TECPR1: variants seen among roughly 807,000 people sequenced by gnomAD.
TECPR1 encodes the protein tectonin beta-propeller repeat containing 1.
In TECPR1, 122 loss-of-function variants were observed where a neutral mutation model predicts 162.4. That is an observed-to-expected ratio of 0.75 (90% confidence interval 0.65 to 0.87). The LOEUF (loss-of-function observed/expected upper bound fraction) is 0.87, where lower values mean the gene tolerates loss of function less well. Ranked by LOEUF, TECPR1 falls within the 40% of genes least tolerant of loss-of-function variation. The pLI, the probability that TECPR1 is intolerant of heterozygous loss-of-function variation, is 0.00. For synonymous variants in TECPR1, 642 were observed against 670.6 expected (o/e 0.96, Z 0.66); for missense variants, 1,432 against 1,618.2 (o/e 0.88, Z 1.97).
intron 19 of TECPR1, 89 bp downstream of exon 19, chr7:98,224,712 C>A: frequency 7.7e-7 from 1 of 1,304,806 alleles, no homozygotes. Context: ...AGGGTTCAGC[C>A]TGGAAGAGCA....
intron 19 of TECPR1, 102 bp downstream of exon 19, chr7:98,224,699 G>A: frequency 7.7e-6 from 9 of 1,174,426 alleles, no homozygotes; most frequent in Non-Finnish European, 1.1e-5. Flanking sequence ...AGGCCTAGGG[G>A]GCAGGGTTCA....
intron 10 of TECPR1, 47 bp downstream of exon 10, chr7:98,236,729 C>T (rs369188906): frequency 1.1e-4 from 178 of 1,568,026 alleles, no homozygotes; most frequent in African/African-American, 5.9e-4. Flanking sequence ...TAGGCTCAGA[C>T]GGCCCATCCC....
intron 2 of TECPR1, among the ~76,000 whole-genome samples, chr7:98,246,868 C>T (rs1798925722): frequency 6.6e-6 from 1 of 152,018 alleles, no homozygotes; most frequent in African/African-American, 2.4e-5. Context: ...GAGGCATGAG[C>T]CACCACGCCC....
rs779230282 is a variant in TECPR1 at position 98,233,598 on chromosome 7, G to A, written c.1495C>T (p.Pro499Ser). 107 of 1,589,032 alleles carry A rather than the reference G, an allele frequency of 6.7e-5. No individual in the cohort carries two copies. Among genetic ancestry groups the A allele is most frequent in the Non-Finnish European group, 8.2e-5 (96 of 1,169,854 alleles). Residue 499 changes from proline (P) to serine (S), a missense_variant, in exon 11 of 26, where the codon CCC becomes TCC. By Grantham distance (74) the Pro-to-Ser change is moderately conservative. Transcript: ENST00000447648. ...GGGAAGCCAGCGGCCGAGTGGCTGG[G>A]CACTTTCTTGGCCTCCTTGAGGTCA... ...NIDLKEAKKV[P>S]SHSAAGFPET...
At chr7:98,222,269 C>T in intron 22 of TECPR1, 117 bp downstream of exon 22, 1 of 1,398,676 alleles carries the variant, frequency 7.1e-7, no homozygotes, top group East Asian at 2.5e-5. Context: ...GAGGGGGACT[C>T]CCACTTCTGG....
At position 98,232,683 on chromosome 7, in the gene TECPR1, C is replaced by A. The variant is rs1284265266; in HGVS notation, c.1818+144G>T. 1.1e-5 allele frequency: 12 copies of A among 1,127,278 alleles called. No individual in the cohort carries two copies. Among genetic ancestry groups the A allele is most frequent in the Non-Finnish European group, 1.4e-5 (12 of 828,504 alleles). 69.8% of individuals were successfully genotyped at this position (1,127,278 alleles called of 1,614,324 possible). On this transcript the variant is annotated intron_variant, in intron 12 of 25. Coordinates refer to ENST00000447648, the MANE Select transcript of TECPR1 (RefSeq NM_015395.3). This position sits in a 1 kb window ranked among gnomAD's most constrained non-coding sequence, Gnocchi z 4.6. ...AGGATGGACGAAGAAACCCTGAGCT[C>A]ATTTCTCTATGCCTGCATCTGGGCG...
In TECPR1 at chr7:98,233,657, G is replaced by A. The variant is rs1357761162; in HGVS notation, c.1436C>T (p.Ala479Val). The stretch of plus-strand genomic sequence containing the variant: ...CCAGGGCAGCTCGGCCGGGGTGGGG[G>A]CCGGGCCGGGGTGCGTGTTGGGTCT... ...EARPNTHPGP[A>V]PTPAELPWTN... The change falls in exon 11 of 26, where the codon GCC becomes GTC. Residue 479 changes from alanine to valine, a missense_variant. Ala to Val is a moderately conservative substitution (Grantham distance 64). Transcript: ENST00000447648. 6 of 1,595,068 alleles carry A rather than the reference G, an allele frequency of 3.8e-6. No individual in the cohort carries two copies. The highest frequency in any genetic ancestry group is 1.3e-5 in the African/African-American group (1 of 74,438).
At chr7:98,243,441 A>C (rs1395262284) in intron 6 of TECPR1, 26 bp downstream of exon 6, 1 of 1,610,906 alleles carries the variant, frequency 6.2e-7, no homozygotes, top group Non-Finnish European at 8.5e-7. Flanking sequence ...GTGGGGAGCC[A>C]GGGCAGGGAG....
intron 13 of TECPR1, 98 bp from the exon 14 acceptor site, chr7:98,231,471 G>T: frequency 7.5e-7 from 1 of 1,327,510 alleles, no homozygotes; most frequent in South Asian, 1.4e-5. Context: ...CCTGGCCCTC[G>T]GACACCCTCT....
chr7:98,243,318 G>C (rs1798816636), intron 6 of TECPR1, 149 bp downstream of exon 6: 1 of 1,113,476 alleles, frequency 9.0e-7, no homozygotes, highest in African/African-American at 1.6e-5. Context: ...TCAGCACGCT[G>C]GGGGCTCGGA....
chr7:98,235,794 C>T (rs1466355276), intron 10 of TECPR1, among the ~76,000 whole-genome samples: 2 of 141,166 alleles, frequency 1.4e-5, no homozygotes, highest in East Asian at 2.0e-4. Context: ...CACACCACTG[C>T]ACTCCAGCCT....
chr7:98,234,760 G>C (rs1375150596), intron 10 of TECPR1, among the ~76,000 whole-genome samples: 1 of 145,154 alleles, frequency 6.9e-6, no homozygotes, highest in Admixed American at 7.1e-5. Flanking sequence ...GCCCAGGCTG[G>C]AGTGTAGTGA....
intron 25 of TECPR1, 63 bp downstream of exon 25, chr7:98,217,629 G>A (rs1455552892): frequency 3.8e-5 from 58 of 1,518,974 alleles, no homozygotes; most frequent in African/African-American, 1.9e-4. Context: ...TGGTCGTCCC[G>A]TCTTCAGCAC....
At chr7:98,230,654 C>T (rs1162507446) in intron 15 of TECPR1, among the ~76,000 whole-genome samples, 1 of 152,148 alleles carries the variant, frequency 6.6e-6, no homozygotes, top group Non-Finnish European at 1.5e-5. Flanking sequence ...TGCTTTGCTA[C>T]AGCCTGGAAG....
At chr7:98,218,450 A>C (rs1420258719) in intron 23 of TECPR1, among the ~76,000 whole-genome samples, 1 of 152,222 alleles carries the variant, frequency 6.6e-6, no homozygotes, top group Non-Finnish European at 1.5e-5. Flanking sequence ...TGCCCATGAT[A>C]GGATCAAATA....
At chr7:98,219,061 A>C (rs991220217) in intron 23 of TECPR1, among the ~76,000 whole-genome samples, 2 of 152,208 alleles carry the variant, frequency 1.3e-5, no homozygotes, top group Admixed American at 6.5e-5. Context: ...GTGGAACAGA[A>C]GAGAGAACCA....
At chr7:98,236,681 A>G in intron 10 of TECPR1, 95 bp downstream of exon 10, 1 of 1,486,606 alleles carries the variant, frequency 6.7e-7, no homozygotes, top group South Asian at 1.2e-5. Flanking sequence ...CCTGGGACCC[A>G]GTGGGGCAGG....
At chr7:98,217,665 C>G (rs1205843090) in intron 25 of TECPR1, 27 bp downstream of exon 25, 1 of 1,524,094 alleles carries the variant, frequency 6.6e-7, no homozygotes, top group South Asian at 1.2e-5. Context: ...GGTGATAACA[C>G]AGCCCAAGGC....
At chr7:98,217,526 C>T (rs1798042423) in intron 25 of TECPR1, 23 bp from the exon 26 acceptor site, 1 of 1,540,406 alleles carries the variant, frequency 6.5e-7, no homozygotes, top group Admixed American at 2.0e-5. Context: ...AGCTGTGTCA[C>T]CAGGGGACTC....
Sources: allele counts gnomAD v4.1 joint callset (sites outside exome capture counted in the v4.1 genomes callset), GRCh38; gene constraint gnomAD v4.1.1; non-coding constraint Gnocchi (gnomAD v3.1); transcripts MANE v1.5; gene names NCBI Gene and HGNC (gene_info 2026-07-23, HGNC 2026-07-21).